The following OR10G8 variants were observed in gnomAD, a reference collection of about 807,000 sequenced individuals.
The protein encoded by OR10G8 is olfactory receptor family 10 subfamily G member 8.
For synonymous variants in OR10G8, 173 were observed against 163.2 expected (o/e 1.06, Z -0.46); for missense variants, 386 against 384.9 (o/e 1.00, Z -0.02).
At chr11:124,026,918 C>T (rs540363411) in intron 1 of OR10G8, 51 bp downstream of exon 1, 1 of 152,300 alleles carries the variant, frequency 6.6e-6, no homozygotes, top group South Asian at 2.1e-4. Flanking sequence ...TCCAGGAAGG[C>T]ATGGGCTCAT....
intron 1 of OR10G8, among the ~76,000 whole-genome samples, chr11:124,028,596 A>G (rs1864125791): frequency 6.6e-6 from 1 of 152,214 alleles, no homozygotes; most frequent in Admixed American, 6.5e-5. Context: ...ACTGTCATTT[A>G]TTGAGCAGTT....
In OR10G8 at chr11:124,029,593, C is replaced by T. The variant is rs1168069408; in HGVS notation, c.-27-3C>T. 1 of 1,600,590 alleles carries T rather than the reference C, an allele frequency of 6.2e-7. No individual in the cohort carries two copies. Among genetic ancestry groups the T allele is most frequent in the African/African-American group, 1.3e-5 (1 of 74,600 alleles). On this transcript the variant is annotated splice_region_variant and splice_polypyrimidine_tract_variant and intron_variant, in intron 1 of 1. Coordinates refer to ENST00000641224, the MANE Select transcript of OR10G8 (RefSeq NM_001004464.2). ...AAATGCTGGGTGCTCTTTATATTCCCAGAGGGAGAGAGACCAAGGGTGAGA... is the reference window on the plus strand; with the variant it reads ...AAATGCTGGGTGCTCTTTATATTCCTAGAGGGAGAGAGACCAAGGGTGAGA...
chr11:124,030,397 C>T lies in OR10G8; in HGVS notation c.775C>T (p.Leu259=), dbSNP rs771828110. Reference sequence around the variant, plus strand: ...CTTTGGCCCTGGTCTTTTCATTTACCTGAGGCCAGGCTCCAGGAAAGCTGT... The same window carrying T: ...CTTTGGCCCTGGTCTTTTCATTTACTTGAGGCCAGGCTCCAGGAAAGCTGT... The part of the protein sequence containing the change: ...CFFGPGLFIY[L]RPGSRKAVDG... Residue 259 remains leucine (L), a synonymous_variant, in exon 2 of 2, where the codon CTG becomes TTG. Coordinates refer to ENST00000641224, the MANE Select transcript of OR10G8 (RefSeq NM_001004464.2). 3 of 1,614,188 alleles carry T rather than the reference C, an allele frequency of 1.9e-6. No homozygotes were observed. Among genetic ancestry groups the T allele is most frequent in the Non-Finnish European group, 2.5e-6 (3 of 1,180,036 alleles).
In OR10G8 at chr11:124,029,952, G is replaced by A; in HGVS notation, c.330G>A (p.Glu110=). 2 of 1,614,136 alleles carry A rather than the reference G, an allele frequency of 1.2e-6. No homozygotes were observed. Among genetic ancestry groups the A allele is most frequent in the Admixed American group, 1.7e-5 (1 of 60,024 alleles). ...LYFFHFLGGT[E]CFLYRVMSCD... Reference sequence around the variant, plus strand: ...TCTTTCACTTCCTAGGGGGCACCGAGTGTTTCCTCTACAGGGTCATGTCCT... The same window carrying A: ...TCTTTCACTTCCTAGGGGGCACCGAATGTTTCCTCTACAGGGTCATGTCCT... The change falls in exon 2 of 2, where the codon GAG becomes GAA. Residue 110 remains glutamate, a synonymous_variant. Coordinates refer to ENST00000641224, the MANE Select transcript of OR10G8 (RefSeq NM_001004464.2).
In OR10G8 at chr11:124,029,906, G is replaced by A. The variant is rs535874105; in HGVS notation, c.284G>A (p.Ser95Asn). ...FPSGRAISFH[S>N]CMAQLYFFHF... Reference sequence around the variant, plus strand: ...AGTGGCAGGGCTATCTCCTTCCACAGCTGCATGGCTCAGCTCTATTTCTTT... The same window carrying A: ...AGTGGCAGGGCTATCTCCTTCCACAACTGCATGGCTCAGCTCTATTTCTTT... Residue 95 changes from serine to asparagine, a missense_variant, in exon 2 of 2, where the codon AGC becomes AAC. By Grantham distance (46) the Ser-to-Asn change is conservative (BLOSUM62 1). Coordinates refer to ENST00000641224, the MANE Select transcript of OR10G8 (RefSeq NM_001004464.2). The A allele has an allele frequency of 4.3e-6, 7 of 1,614,154 alleles. No homozygotes were observed. The African/African-American group carries it at 9.3e-5, about 22-fold the overall frequency.
At chr11:124,027,531 G>C (rs575414532) in intron 1 of OR10G8, among the ~76,000 whole-genome samples, 1 of 152,124 alleles carries the variant, frequency 6.6e-6, no homozygotes, top group Non-Finnish European at 1.5e-5. Context: ...TAGGTCTCAG[G>C]CTACCTTGGA....
rs778655291 is a variant in OR10G8, at chr11:124,029,981, A to T, written c.359A>T (p.Asp120Val). 3 of 1,614,036 alleles carry T rather than the reference A, an allele frequency of 1.9e-6. No individual in the cohort carries two copies. In the South Asian group the frequency reaches 3.3e-5, roughly 18 times the overall value. Residue 120 changes from aspartate (D) to valine (V), a missense_variant, in exon 2 of 2, where the codon GAT becomes GTT. Transcript: ENST00000641224. ...TTCCTCTACAGGGTCATGTCCTGTG[A>T]TCGCTACCTGGCCATCAGTTACCCG... ...ECFLYRVMSC[D>V]RYLAISYPLR...
At position 124,030,296 on chromosome 11, in the gene OR10G8, T is replaced by C. The variant is rs1456144743; in HGVS notation, c.674T>C (p.Leu225Pro). The C allele has an allele frequency of 6.2e-7, 1 of 1,614,264 alleles. No homozygotes were observed. Among genetic ancestry groups the C allele is most frequent in the Non-Finnish European group, 8.5e-7 (1 of 1,180,036 alleles). ...TATGTGTCCATCGTCTGTTCCATCC[T>C]GCGGATCCGCACCTCAGAGGGGAAG... ...LSYVSIVCSI[L>P]RIRTSEGKHR... The change falls in exon 2 of 2, where the codon CTG (leucine) becomes CCG (proline). Residue 225 changes from leucine (L) to proline (P), a missense_variant. Leu to Pro is a moderately conservative substitution (Grantham distance 98, BLOSUM62 -3). Coordinates refer to ENST00000641224, the MANE Select transcript of OR10G8 (RefSeq NM_001004464.2).
At chr11:124,029,270 G>A (rs1864132088) in intron 1 of OR10G8, among the ~76,000 whole-genome samples, 2 of 152,030 alleles carry the variant, frequency 1.3e-5, no homozygotes, top group South Asian at 4.2e-4. Context: ...GCTAAACAGA[G>A]GGCCCAGCTG....
In OR10G8 at chr11:124,030,323, A is replaced by G. The variant is rs760604566; in HGVS notation, c.701A>G (p.His234Arg). Residue 234 changes from histidine to arginine, a missense_variant, in exon 2 of 2, where the codon CAC becomes CGC. Transcript: ENST00000641224. ...ILRIRTSEGK[H>R]RAFQTCASHC... ...CGGATCCGCACCTCAGAGGGGAAGC[A>G]CAGAGCCTTTCAGACCTGTGCCTCC... 122 of 1,614,112 alleles carry G rather than the reference A, an allele frequency of 7.6e-5. No homozygotes were observed. The highest frequency in any genetic ancestry group is 9.9e-5 in the Non-Finnish European group (117 of 1,180,040).
At position 124,030,281 on chromosome 11, in the gene OR10G8, T is replaced by C. The variant is rs1048987326; in HGVS notation, c.659T>C (p.Ile220Thr). The C allele has an allele frequency of 6.2e-7, 1 of 1,614,250 alleles. No homozygotes were observed. The highest frequency in any genetic ancestry group is 8.5e-7 in the Non-Finnish European group (1 of 1,180,048). ...CTGATAGTGCTGTCCTATGTGTCCATCGTCTGTTCCATCCTGCGGATCCGC... is the reference window on the plus strand; with the variant it reads ...CTGATAGTGCTGTCCTATGTGTCCACCGTCTGTTCCATCCTGCGGATCCGC... ...FVLIVLSYVS[I>T]VCSILRIRTS... The change falls in exon 2 of 2, where the codon ATC becomes ACC. Residue 220 changes from isoleucine to threonine, a missense_variant. By Grantham distance (89) the Ile-to-Thr change is moderately conservative. Coordinates refer to ENST00000641224, the MANE Select transcript of OR10G8 (RefSeq NM_001004464.2).
intron 1 of OR10G8, among the ~76,000 whole-genome samples, chr11:124,027,516 T>C (rs543963844): frequency 1.4e-4 from 22 of 152,316 alleles, no homozygotes; most frequent in Non-Finnish European, 2.8e-4. Context: ...TTGAGACTCT[T>C]GCTTTAGGTC....
intron 1 of OR10G8, among the ~76,000 whole-genome samples, chr11:124,028,123 A>G (rs902295482): frequency 2.0e-5 from 3 of 152,192 alleles, no homozygotes; most frequent in African/African-American, 7.2e-5. Context: ...AACACATGAT[A>G]TCTAACAAAG....
chr11:124,029,446 A>C, intron 1 of OR10G8, 150 bp from the exon 2 acceptor site: 1 of 696,004 alleles, frequency 1.4e-6, no homozygotes, highest in Middle Eastern at 3.6e-4. Context: ...CTAGGAAATC[A>C]CTTCATTAGT....
In OR10G8 at chr11:124,030,231, AAT is replaced by A. The variant is rs1344093724; in HGVS notation, c.611_612del (p.Ile204SerfsTer117). The A allele has an allele frequency of 6.2e-7, 1 of 1,613,968 alleles. No homozygotes were observed. The highest frequency in any genetic ancestry group is 8.5e-7 in the Non-Finnish European group (1 of 1,180,004). On this transcript the variant is annotated frameshift_variant, in exon 2 of 2. Coordinates refer to ENST00000641224, the MANE Select transcript of OR10G8 (RefSeq NM_001004464.2). LOFTEE classifies it low-confidence loss of function (END_TRUNC). ...AGACTGTCATTTTTGTGACTGTTGG[AAT>A]AGTGGCCTCGGGCTGCTTTGTCCTG... is the stretch of plus-strand genomic sequence containing the variant. ...IETVIFVTVG[I>X]VASGCFVLIV...
In OR10G8 at chr11:124,029,948, C is replaced by A; in HGVS notation, c.326C>A (p.Thr109Asn). ...QLYFFHFLGG[T>N]ECFLYRVMSC... Reference sequence around the variant, plus strand: ...TATTTCTTTCACTTCCTAGGGGGCACCGAGTGTTTCCTCTACAGGGTCATG... The same window carrying A: ...TATTTCTTTCACTTCCTAGGGGGCAACGAGTGTTTCCTCTACAGGGTCATG... The change falls in exon 2 of 2, where the codon ACC becomes AAC. Residue 109 changes from threonine (T) to asparagine (N), a missense_variant. Coordinates refer to ENST00000641224, the MANE Select transcript of OR10G8 (RefSeq NM_001004464.2). 6.2e-7 allele frequency: 1 copy of A among 1,614,104 alleles called. No individual in the cohort carries two copies. Among genetic ancestry groups the A allele is most frequent in the South Asian group, 1.1e-5 (1 of 91,082 alleles).
chr11:124,029,790 C>T lies in OR10G8; in HGVS notation c.168C>T (p.Thr56=). The T allele has an allele frequency of 1.2e-6, 2 of 1,614,104 alleles. No homozygotes were observed. The highest frequency in any genetic ancestry group is 8.5e-7 in the Non-Finnish European group (1 of 1,180,004). Residue 56 remains threonine, a synonymous_variant, in exon 2 of 2, where the codon ACC becomes ACT. Coordinates refer to ENST00000641224, the MANE Select transcript of OR10G8 (RefSeq NM_001004464.2). ...VIRVDSHLHT[T]MYYFLTNLSF... ...GGGTGGATTCTCACCTCCACACCACCATGTACTACTTCCTCACCAACCTGT... is the reference window on the plus strand; with the variant it reads ...GGGTGGATTCTCACCTCCACACCACTATGTACTACTTCCTCACCAACCTGT...
intron 1 of OR10G8, 49 bp from the exon 2 acceptor site, chr11:124,029,547 C>T: frequency 6.8e-7 from 1 of 1,467,434 alleles, no homozygotes; most frequent in Non-Finnish European, 9.3e-7. Flanking sequence ...AGAATGGATT[C>T]TCATTTCTCA....
chr11:124,027,751 C>T (rs1341850265), intron 1 of OR10G8, among the ~76,000 whole-genome samples: 1 of 152,162 alleles, frequency 6.6e-6, no homozygotes, highest in African/African-American at 2.4e-5. Context: ...GCCACATTCC[C>T]TGGAGGTATC....
Sources: gnomAD v4.1 joint callset for allele counts (sites outside exome capture counted in the v4.1 genomes callset) on GRCh38, gnomAD v4.1.1 for gene constraint, MANE v1.5 for transcripts, NCBI Gene and HGNC (gene_info 2026-07-23, HGNC 2026-07-21) for gene names.